The following GABRG3 variants were observed in gnomAD, a reference collection of about 807,000 sequenced individuals.
GABRG3 encodes gamma-aminobutyric acid type A receptor subunit gamma3, also known as gamma-aminobutyric acid receptor subunit gamma-3.
In GABRG3, 25 loss-of-function variants were observed where a neutral mutation model predicts 48.8. That is an observed-to-expected ratio of 0.51 (90% CI 0.37 to 0.72). The LOEUF (loss-of-function observed/expected upper bound fraction) is 0.72. GABRG3 is among the 30% of genes least tolerant of loss of function. GABRG3 has a pLI of 0.00. For missense variants in GABRG3, 394 were observed against 577.9 expected, an observed-to-expected ratio of 0.68 and a Z score of 3.26; for synonymous variants, 227 against 217.6, an observed-to-expected ratio of 1.04 and a Z score of -0.38.
chr15:27,051,058 T>G (rs1271415395), intron 3 of GABRG3, among the ~76,000 whole-genome samples: 2 of 152,218 alleles, frequency 1.3e-5, no homozygotes, highest in Admixed American at 6.5e-5. Flanking sequence ...CCAGATAAAT[T>G]GAGGCAATAG....
chr15:27,039,066 G>A (rs1205279338), intron 3 of GABRG3, among the ~76,000 whole-genome samples: 1 of 152,202 alleles, frequency 6.6e-6, no homozygotes, highest in Non-Finnish European at 1.5e-5. Flanking sequence ...CAACGGGGAC[G>A]AGTGGGCACT....
chr15:27,462,631 G>C (rs1889484072), intron 5 of GABRG3, among the ~76,000 whole-genome samples: 1 of 152,050 alleles, frequency 6.6e-6, no homozygotes, highest in Admixed American at 6.6e-5. Flanking sequence ...TTTTATTCCA[G>C]TGTTAACTTC....
chr15:27,199,012 G>GGA, intron 3 of GABRG3, among the ~76,000 whole-genome samples: 1 of 152,228 alleles, frequency 6.6e-6, no homozygotes, highest in East Asian at 1.9e-4. Context: ...GGGGACAAGG[G>GGA]GAGGGATAGC....
intron 5 of GABRG3, among the ~76,000 whole-genome samples, chr15:27,370,457 G>C (rs1316934879): frequency 6.6e-6 from 1 of 152,198 alleles, no homozygotes; most frequent in Non-Finnish European, 1.5e-5. Flanking sequence ...TCTCCTACCT[G>C]TTTGGGTCAT....
chr15:27,227,181 CAATT>C (rs1344933724), intron 3 of GABRG3, among the ~76,000 whole-genome samples: 6 of 152,028 alleles, frequency 3.9e-5, no homozygotes, highest in Admixed American at 3.9e-4. Flanking sequence ...AGTAATTACA[CAATT>C]AATTAAGAAA....
chr15:27,306,186 A>C (rs1411014463), intron 3 of GABRG3, among the ~76,000 whole-genome samples: 1 of 135,326 alleles, frequency 7.4e-6, no homozygotes, highest in Non-Finnish European at 1.5e-5. Context: ...AACATATAAT[A>C]TAAACATATT....
In GABRG3 at chr15:27,291,427, G is replaced by A. The variant is rs145358677; in HGVS notation, c.271-35382G>A. The stretch of plus-strand genomic sequence containing the variant: ...CCCTGTGCTTGGATGAAATATTAGC[G>A]TAACCTTGGCTTTTGTGCTAAACAT... On this transcript the variant is annotated intron_variant, in intron 3 of 9. Coordinates refer to ENST00000615808, the MANE Select transcript of GABRG3 (RefSeq NM_033223.5). Among the ~76,000 whole-genome samples, 50 of 152,174 alleles carry A rather than the reference G, an allele frequency of 3.3e-4. No individual in the cohort carries two copies. The East Asian group carries it at 7.1e-3, about 22-fold the overall frequency.
intron 3 of GABRG3, among the ~76,000 whole-genome samples, chr15:27,047,223 C>A (rs142965534): frequency 1.3e-5 from 2 of 152,166 alleles, no homozygotes; most frequent in African/African-American, 4.8e-5. Flanking sequence ...CCCAGTCTTA[C>A]AGTTATCATA....
chr15:27,142,766 T>C (rs1898128298), intron 3 of GABRG3, among the ~76,000 whole-genome samples: 1 of 149,110 alleles, frequency 6.7e-6, no homozygotes, highest in Admixed American at 6.7e-5. Context: ...AGGATTTGTT[T>C]GTTTGTTTGC....
chr15:27,134,372 T>TC (rs995105447), intron 3 of GABRG3, among the ~76,000 whole-genome samples: 1 of 151,982 alleles, frequency 6.6e-6, no homozygotes, highest in Non-Finnish European at 1.5e-5. Flanking sequence ...TAAAAGAACC[T>TC]CCCCCATCTC....
chr15:27,243,460 G>T (rs1299870557), intron 3 of GABRG3, among the ~76,000 whole-genome samples: 2 of 152,034 alleles, frequency 1.3e-5, no homozygotes, highest in East Asian at 1.9e-4. Context: ...TACCCTGCTT[G>T]CAGGGGACGC....
intron 3 of GABRG3, among the ~76,000 whole-genome samples, chr15:27,206,582 G>A (rs976611462): frequency 6.6e-6 from 1 of 152,108 alleles, no homozygotes; most frequent in South Asian, 2.1e-4. Flanking sequence ...ATCAAGTGTC[G>A]AATTTTTATC....
At chr15:27,009,957 T>C (rs1255148593) in intron 2 of GABRG3, among the ~76,000 whole-genome samples, 1 of 151,976 alleles carries the variant, frequency 6.6e-6, no homozygotes, top group Non-Finnish European at 1.5e-5. Context: ...TTTCTTCTTC[T>C]TTTTTTTGAC....
chr15:27,065,798 A>G (rs1896728584), intron 3 of GABRG3, among the ~76,000 whole-genome samples: 3 of 152,244 alleles, frequency 2.0e-5, no homozygotes, highest in South Asian at 2.1e-4. Flanking sequence ...TTGAAAAATA[A>G]TGGAAAAATA....
chr15:27,318,612 G>A (rs543394448), intron 3 of GABRG3, among the ~76,000 whole-genome samples: 23 of 152,158 alleles, frequency 1.5e-4, no homozygotes, highest in Non-Finnish European at 2.2e-4. Flanking sequence ...GTCAGGTTTC[G>A]AACCAGTGCA....
Position 27,387,235 on chromosome 15 carries a change from A to G in GABRG3, c.574+58347A>G, listed in dbSNP as rs556281086. On this transcript the variant is annotated intron_variant, in intron 5 of 9. Transcript: ENST00000615808. ...CGGTGTTGATGTCTGCTGATTTCTAATTCCTGTTGTAATTCACGTTTTTTT... is the reference window on the plus strand; with the variant it reads ...CGGTGTTGATGTCTGCTGATTTCTAGTTCCTGTTGTAATTCACGTTTTTTT... Among the ~76,000 whole-genome samples the G allele has an allele frequency of 2.1e-5, 3 of 145,892 alleles. No individual in the cohort carries two copies. In the South Asian group the frequency reaches 7.0e-4, roughly 34 times the overall value.
At chr15:27,060,553 C>T (rs943039350) in intron 3 of GABRG3, among the ~76,000 whole-genome samples, 2 of 152,196 alleles carry the variant, frequency 1.3e-5, no homozygotes, top group South Asian at 2.1e-4. Context: ...TTCGTGAGTC[C>T]GTGCCATTCA....
At chr15:27,523,620 T>C (rs1211187401) in intron 7 of GABRG3, among the ~76,000 whole-genome samples, 1 of 151,852 alleles carries the variant, frequency 6.6e-6, no homozygotes, top group Non-Finnish European at 1.5e-5. Context: ...AATGCACACA[T>C]GCTTCAACTA....
chr15:27,084,287 C>T (rs1301082152), intron 3 of GABRG3, among the ~76,000 whole-genome samples: 2 of 152,234 alleles, frequency 1.3e-5, no homozygotes, highest in Admixed American at 6.5e-5. Flanking sequence ...CCTTTGGTTA[C>T]AGCCTCTTTT....
Sources: gnomAD v4.1 joint callset for allele counts (sites outside exome capture counted in the v4.1 genomes callset) on GRCh38, gnomAD v4.1.1 for gene constraint, MANE v1.5 for transcripts, NCBI Gene and HGNC (gene_info 2026-07-23, HGNC 2026-07-21) for gene names.